LPA: variants seen among roughly 807,000 people sequenced by gnomAD.
The protein encoded by LPA is apolipoprotein(a).
In LPA, 199 loss-of-function variants were observed where a neutral mutation model predicts 197.9. That is an observed-to-expected ratio of 1.01 (90% CI 0.90 to 1.13). The LOEUF (loss-of-function observed/expected upper bound fraction) is 1.13, where lower values mean the gene tolerates loss of function less well. LPA is among the 50% of genes most tolerant of loss of function. The pLI is 0.00. For synonymous variants in LPA, 715 were observed against 639.5 expected, an observed-to-expected ratio of 1.12 and a Z score of -1.78; for missense variants, 1,853 against 1,785.8, an observed-to-expected ratio of 1.04 and a Z score of -0.68.
At chr6:160,582,058 C>T (rs1318474659) in intron 26 of LPA, among the ~76,000 whole-genome samples, 2 of 152,012 alleles carry the variant, frequency 1.3e-5, no homozygotes, top group Non-Finnish European at 2.9e-5. Context: ...ATGAAACATT[C>T]TTTTATTTGT....
intron 37 of LPA, among the ~76,000 whole-genome samples, chr6:160,537,141 G>C (rs1036007233): frequency 6.6e-6 from 1 of 152,196 alleles, no homozygotes; most frequent in African/African-American, 2.4e-5. Flanking sequence ...ACTGCCAAGG[G>C]GGTAAGGCTG....
At chr6:160,590,153 T>C (rs977525990) in intron 23 of LPA, among the ~76,000 whole-genome samples, 5 of 152,166 alleles carry the variant, frequency 3.3e-5, no homozygotes, top group African/African-American at 1.2e-4. Context: ...CTTAAGTTTC[T>C]GGAAGATGGG....
intron 28 of LPA, among the ~76,000 whole-genome samples, chr6:160,575,153 C>A (rs918717646): frequency 2.0e-5 from 3 of 152,086 alleles, no homozygotes; most frequent in African/African-American, 7.2e-5. Flanking sequence ...TTTTCAAAAT[C>A]ATATTTCTGA....
chr6:160,603,123 A>G (rs77651956), intron 18 of LPA, among the ~76,000 whole-genome samples: 7,395 of 150,874 alleles, frequency 0.049, 587 homozygotes, highest in African/African-American at 0.17. Flanking sequence ...TCCTGTAGCA[A>G]TCTCTCCTTC....
chr6:160,635,466 C>T (rs1274419649), intron 6 of LPA, among the ~76,000 whole-genome samples, 162 bp from the exon 7 acceptor site: 12 of 95,188 alleles, frequency 1.3e-4, no homozygotes, highest in Non-Finnish European at 2.1e-4. Context: ...CTCTCGATCA[C>T]TAATCCTCTC....
At chr6:160,548,909 T>C (rs1014168257) in intron 30 of LPA, among the ~76,000 whole-genome samples, 5 of 152,198 alleles carry the variant, frequency 3.3e-5, no homozygotes, top group African/African-American at 1.2e-4. Flanking sequence ...CGTTCTCACA[T>C]TGCTATGAGG....
chr6:160,541,120 G>A lies in LPA; in HGVS notation c.5581C>T (p.His1861Tyr), dbSNP rs769068995. The A allele has an allele frequency of 2.9e-5, 46 of 1,613,984 alleles. No individual in the cohort carries two copies. In the South Asian group the frequency reaches 4.5e-4, roughly 16 times the overall value. The stretch of plus-strand genomic sequence containing the variant: ...CCTTAAACGTACTTCTTCAAGCAGT[G>A]AGCAGCAGTCAGCACCCACTCTGGG... ...ISPEWVLTAAHCLKKSSRPSS... is the reference protein window; with the variant it reads ...ISPEWVLTAAYCLKKSSRPSS... The change falls in exon 35 of 39, where the codon CAC becomes TAC. Residue 1861 changes from histidine (H) to tyrosine (Y), a missense_variant. By Grantham distance (83) the His-to-Tyr change is moderately conservative. Coordinates refer to ENST00000316300, the MANE Select transcript of LPA (RefSeq NM_005577.4).
intron 18 of LPA, 28 bp from the exon 19 acceptor site, chr6:160,601,126 C>CA (rs1208787286): frequency 3.7e-6 from 6 of 1,608,614 alleles, no homozygotes; most frequent in Non-Finnish European, 4.3e-6. Flanking sequence ...ATACACATCA[C>CA]AAAAAATGGG....
chr6:160,541,078 A>G, intron 35 of LPA, 29 bp downstream of exon 35: 1 of 1,597,910 alleles, frequency 6.3e-7, no homozygotes, highest in Non-Finnish European at 8.6e-7. Context: ...TGAAGATAAG[A>G]CCCCATGTCA....
chr6:160,536,664 T>C (rs9355808), intron 37 of LPA, among the ~76,000 whole-genome samples: 92,223 of 151,952 alleles, frequency 0.61, 28,448 homozygotes, highest in Non-Finnish European at 0.67. Flanking sequence ...AGCATTTAAA[T>C]TTTAAAATAT....
intron 28 of LPA, among the ~76,000 whole-genome samples, chr6:160,562,694 G>T (rs941488083): frequency 2.0e-5 from 3 of 152,004 alleles, no homozygotes; most frequent in Non-Finnish European, 4.4e-5. Flanking sequence ...AATCCCTCTG[G>T]TCTGGGCTTT....
intron 28 of LPA, among the ~76,000 whole-genome samples, chr6:160,558,873 C>T (rs139884311): frequency 1.3e-5 from 2 of 152,276 alleles, no homozygotes; most frequent in East Asian, 3.9e-4. Flanking sequence ...AAACCTGAAA[C>T]GTATTATGTG....
At chr6:160,576,014 A>G (rs1047012332) in intron 28 of LPA, among the ~76,000 whole-genome samples, 3 of 151,976 alleles carry the variant, frequency 2.0e-5, no homozygotes, top group Admixed American at 6.6e-5. Context: ...CCTTCAATCC[A>G]TGATGAAATA....
intron 33 of LPA, among the ~76,000 whole-genome samples, chr6:160,543,099 T>C (rs753452232): frequency 7.9e-5 from 12 of 152,194 alleles, no homozygotes; most frequent in African/African-American, 1.7e-4. Flanking sequence ...CATATGTGCA[T>C]GTGTGTATGT....
chr6:160,650,743 C>A (rs1779991028), intron 1 of LPA, among the ~76,000 whole-genome samples: 1 of 152,182 alleles, frequency 6.6e-6, no homozygotes, highest in Admixed American at 6.5e-5. Context: ...ATTCTTCTCA[C>A]CAGAAACTAT....
intron 30 of LPA, among the ~76,000 whole-genome samples, chr6:160,555,341 A>T: frequency 7.2e-6 from 1 of 139,066 alleles, no homozygotes; most frequent in Non-Finnish European, 1.5e-5. Flanking sequence ...GTGTCCTGCA[A>T]ATTGTATGGC....
chr6:160,589,420 A>G, intron 24 of LPA, 133 bp downstream of exon 24: 9 of 1,062,090 alleles, frequency 8.5e-6, no homozygotes, highest in Non-Finnish European at 1.3e-5. Context: ...CAAAGCAAGA[A>G]GCCTGAGACA....
chr6:160,538,073 T>G, intron 36 of LPA, 112 bp from the exon 37 acceptor site: 1 of 835,466 alleles, frequency 1.2e-6, no homozygotes, highest in Non-Finnish European at 2.0e-6. Context: ...GGCACTGCCT[T>G]GCTTCACTGA....
intron 1 of LPA, among the ~76,000 whole-genome samples, chr6:160,663,422 C>A (rs893774431): frequency 1.3e-5 from 2 of 152,070 alleles, no homozygotes; most frequent in Non-Finnish European, 2.9e-5. Flanking sequence ...GTCTAGATTT[C>A]TTTGTTTATA....
Sources: allele counts gnomAD v4.1 joint callset (sites outside exome capture counted in the v4.1 genomes callset), GRCh38; gene constraint gnomAD v4.1.1; transcripts MANE v1.5; gene names NCBI Gene and HGNC (gene_info 2026-07-23, HGNC 2026-07-21).